The following SORCS2 variants were observed in gnomAD, a reference collection of about 807,000 sequenced individuals.
SORCS2 encodes VPS10 domain-containing receptor SorCS2.
In SORCS2, 100 loss-of-function variants were observed where a neutral mutation model predicts 141.6. The observed-to-expected ratio is 0.71, with a 90% CI of 0.60 to 0.83. The LOEUF (loss-of-function observed/expected upper bound fraction) is 0.83, where lower values mean the gene tolerates loss of function less well. Among genes scored for constraint, SORCS2 ranks in the 40% least tolerant of loss-of-function variants. The pLI is 0.00. For synonymous variants in SORCS2, 789 were observed against 676.9 expected (o/e 1.17, Z -2.57); for missense variants, 1,646 against 1,560.2 (o/e 1.05, Z -0.93).
At chr4:7,288,155 C>T (rs901728554) in intron 1 of SORCS2, among the ~76,000 whole-genome samples, 1 of 152,206 alleles carries the variant, frequency 6.6e-6, no homozygotes, top group South Asian at 2.1e-4. Context: ...AGGAGTTAAT[C>T]TGTGGGACGT....
At chr4:7,401,433 A>G (rs553194513) in intron 2 of SORCS2, among the ~76,000 whole-genome samples, 1 of 152,158 alleles carries the variant, frequency 6.6e-6, no homozygotes, top group East Asian at 1.9e-4. Flanking sequence ...GACCGAGAAG[A>G]CCCTTTACAT....
At chr4:7,550,331 G>A (rs984557386) in intron 3 of SORCS2, among the ~76,000 whole-genome samples, 7 of 152,112 alleles carry the variant, frequency 4.6e-5, no homozygotes, top group East Asian at 1.9e-4. Context: ...GTTTGCTCCC[G>A]CTGGGGGCCA....
At chr4:7,650,211 GCCT>G (rs1721343781) in intron 4 of SORCS2, among the ~76,000 whole-genome samples, 1 of 152,196 alleles carries the variant, frequency 6.6e-6, no homozygotes, top group South Asian at 2.1e-4. Flanking sequence ...ATTGCTGCGA[GCCT>G]CCATCTTCCG....
At chr4:7,225,936 C>T (rs540748200) in intron 1 of SORCS2, among the ~76,000 whole-genome samples, 17 of 152,316 alleles carry the variant, frequency 1.1e-4, no homozygotes, top group African/African-American at 4.1e-4. Flanking sequence ...GTATCACTTC[C>T]ACTGTGAACC....
chr4:7,560,932 G>T (rs562711096), intron 3 of SORCS2, among the ~76,000 whole-genome samples: 9 of 152,152 alleles, frequency 5.9e-5, no homozygotes, highest in Non-Finnish European at 1.3e-4. Flanking sequence ...AAGCGAGATG[G>T]GATGGAACAC....
At chr4:7,392,911 G>T (rs915424223) in intron 1 of SORCS2, among the ~76,000 whole-genome samples, 2 of 114,606 alleles carry the variant, frequency 1.7e-5, no homozygotes, top group African/African-American at 3.1e-5. Flanking sequence ...GGGGGGGGGG[G>T]TGCTGCGAGA....
At chr4:7,479,933 TCA>T (rs1248955921) in intron 2 of SORCS2, among the ~76,000 whole-genome samples, 2 of 152,232 alleles carry the variant, frequency 1.3e-5, no homozygotes, top group Non-Finnish European at 2.9e-5. Context: ...TCCTCCGGGC[TCA>T]GTGTCCAGCC....
intron 2 of SORCS2, among the ~76,000 whole-genome samples, chr4:7,429,973 C>A (rs1352894208): frequency 6.6e-6 from 1 of 152,194 alleles, no homozygotes; most frequent in African/African-American, 2.4e-5. Flanking sequence ...GGCTGGCAAC[C>A]CCCGTCCGGT....
intron 1 of SORCS2, among the ~76,000 whole-genome samples, chr4:7,372,029 C>T (rs1011100518): frequency 2.0e-5 from 3 of 152,068 alleles, no homozygotes; most frequent in Admixed American, 6.5e-5. Context: ...GCAGTATGGG[C>T]GACTTGTGTG....
At chr4:7,372,648 A>G (rs1722332820) in intron 1 of SORCS2, among the ~76,000 whole-genome samples, 1 of 152,216 alleles carries the variant, frequency 6.6e-6, no homozygotes, top group Non-Finnish European at 1.5e-5. Flanking sequence ...GTAAGTTTCG[A>G]TAAATGCATA....
At chr4:7,301,431 G>A (rs1430489619) in intron 1 of SORCS2, among the ~76,000 whole-genome samples, 1 of 152,222 alleles carries the variant, frequency 6.6e-6, no homozygotes, top group African/African-American at 2.4e-5. Context: ...ATGAGTGAAG[G>A]AATGATCTCG....
rs576621618 is a variant in SORCS2 at position 7,599,222 on chromosome 4, C to T, written c.649-39106C>T. On this transcript the variant is annotated intron_variant, in intron 3 of 26. Transcript: ENST00000507866. ...AGTTCCTGAGTGAAGTCAGCCTGACCCCAGAAGGCCCCTTCTGCCCTTCAG... is the reference window on the plus strand; with the variant it reads ...AGTTCCTGAGTGAAGTCAGCCTGACTCCAGAAGGCCCCTTCTGCCCTTCAG... 1.7e-4 allele frequency among the ~76,000 whole-genome samples: 26 copies of T among 152,186 alleles called. 2 individuals carry two copies. The South Asian group carries it at 5.4e-3, about 32-fold the overall frequency.
chr4:7,411,156 A>G (rs1186700947), intron 2 of SORCS2, among the ~76,000 whole-genome samples: 1 of 151,758 alleles, frequency 6.6e-6, no homozygotes, highest in African/African-American at 2.4e-5. Context: ...GGGTTTCACC[A>G]TGTTGGCCAG....
chr4:7,360,184 G>A (rs1431273042), intron 1 of SORCS2, among the ~76,000 whole-genome samples: 1 of 152,126 alleles, frequency 6.6e-6, no homozygotes, highest in African/African-American at 2.4e-5. Context: ...ACAGAATACC[G>A]GGCAGGTTTT....
At chr4:7,431,435 T>G (rs1726846215) in intron 2 of SORCS2, 1 of 152,184 alleles carries the variant, frequency 6.6e-6, no homozygotes, top group African/African-American at 2.4e-5. Flanking sequence ...TACTTCCCGG[T>G]AGGCATCCTC....
intron 1 of SORCS2, among the ~76,000 whole-genome samples, chr4:7,332,020 T>G (rs1719685319): frequency 6.6e-6 from 1 of 152,066 alleles, no homozygotes; most frequent in African/African-American, 2.4e-5. Flanking sequence ...GGGGTGAGAT[T>G]AGGGGTACAG....
intron 1 of SORCS2, among the ~76,000 whole-genome samples, chr4:7,295,605 A>C (rs1716995423): frequency 6.6e-6 from 1 of 152,180 alleles, no homozygotes; most frequent in Non-Finnish European, 1.5e-5. Flanking sequence ...CCTCACGTCC[A>C]TGTCCTCTGG....
chr4:7,374,416 C>G (rs926588879), intron 1 of SORCS2, among the ~76,000 whole-genome samples: 1 of 152,114 alleles, frequency 6.6e-6, no homozygotes, highest in African/African-American at 2.4e-5. Context: ...GTGCTCACAT[C>G]ATGAGCAAGG....
intron 2 of SORCS2, among the ~76,000 whole-genome samples, chr4:7,412,374 G>A (rs567768699): frequency 7.9e-5 from 12 of 152,308 alleles, no homozygotes; most frequent in African/African-American, 2.4e-4. Flanking sequence ...CAGCCAGAGC[G>A]TTTGTTCTGA....
Sources: allele counts gnomAD v4.1 joint callset (sites outside exome capture counted in the v4.1 genomes callset), GRCh38; gene constraint gnomAD v4.1.1; transcripts MANE v1.5; gene names NCBI Gene and HGNC (gene_info 2026-07-23, HGNC 2026-07-21).